LRRC1: variants seen among roughly 807,000 people sequenced by gnomAD.
LRRC1 encodes leucine-rich repeat-containing protein 1.
Under a neutral mutation model 69.9 loss-of-function variants are expected in LRRC1, and 28 were observed. That is an observed-to-expected ratio of 0.40 (90% CI 0.30 to 0.55). LRRC1 has a LOEUF of 0.55. Among genes scored for constraint, LRRC1 ranks in the 20% least tolerant of loss-of-function variants. The pLI, the probability that LRRC1 is intolerant of heterozygous loss-of-function variation, is 0.47. For missense variants in LRRC1, 498 were observed against 609.0 expected, an observed-to-expected ratio of 0.82 and a Z score of 1.92; for synonymous variants, 236 against 240.2, an observed-to-expected ratio of 0.98 and a Z score of 0.16.
In LRRC1 at chr6:53,888,182, A is replaced by G. The variant is rs920225541; in HGVS notation, c.446+5206A>G. Among the ~76,000 whole-genome samples, 10 of 152,314 alleles carry G rather than the reference A, an allele frequency of 6.6e-5. No individual in the cohort carries two copies. In the East Asian group the frequency reaches 1.9e-3, roughly 29 times the overall value. On this transcript the variant is annotated intron_variant, in intron 4 of 13. Coordinates refer to ENST00000370888, the MANE Select transcript of LRRC1 (RefSeq NM_018214.5). ...ACTCAAGCCACACACTTTGTGTTTT[A>G]CTTTTTAAAAATGAGTTACTCTTCA...
At chr6:53,802,960 T>TAG (rs1315333461) in intron 1 of LRRC1, among the ~76,000 whole-genome samples, 1 of 152,216 alleles carries the variant, frequency 6.6e-6, no homozygotes, top group Non-Finnish European at 1.5e-5. Flanking sequence ...GTCATGCTTT[T>TAG]AGTATGGTAA....
intron 4 of LRRC1, among the ~76,000 whole-genome samples, chr6:53,889,407 T>C (rs1767604487): frequency 6.6e-6 from 1 of 152,152 alleles, no homozygotes; most frequent in African/African-American, 2.4e-5. Flanking sequence ...TTGGCATTAT[T>C]TATAATAAAA....
chr6:53,908,258 C>T (rs1276151461), intron 10 of LRRC1, among the ~76,000 whole-genome samples: 2 of 152,066 alleles, frequency 1.3e-5, no homozygotes, highest in Non-Finnish European at 2.9e-5. Context: ...TTTTTGTCTC[C>T]ATTAAGTCCA....
At chr6:53,922,285 T>G (rs1768762554) in intron 13 of LRRC1, among the ~76,000 whole-genome samples, 1 of 152,140 alleles carries the variant, frequency 6.6e-6, no homozygotes, top group African/African-American at 2.4e-5. Flanking sequence ...CTCTTTTATC[T>G]TTTTCTTTCC....
chr6:53,823,760 G>T (rs1381470675), intron 1 of LRRC1, among the ~76,000 whole-genome samples: 1 of 152,060 alleles, frequency 6.6e-6, no homozygotes, highest in African/African-American at 2.4e-5. Context: ...TTCTCCTCCT[G>T]CATTAGTTTG....
chr6:53,867,848 G>A (rs1480574245), intron 2 of LRRC1, among the ~76,000 whole-genome samples: 1 of 151,610 alleles, frequency 6.6e-6, no homozygotes, highest in African/African-American at 2.4e-5. Flanking sequence ...GCAGCTAGTT[G>A]GGGGCTGAGG....
chr6:53,831,438 C>T (rs1765425241), intron 1 of LRRC1, among the ~76,000 whole-genome samples: 2 of 152,112 alleles, frequency 1.3e-5, no homozygotes, highest in Admixed American at 1.3e-4. Context: ...TTTGGCATTC[C>T]TTGAAACAAA....
In LRRC1 at chr6:53,798,320, C is replaced by CAGTCTCA. The variant is rs1764361633; in HGVS notation, c.159+2906_159+2912dup. Among the ~76,000 whole-genome samples the CAGTCTCA allele has an allele frequency of 4.6e-5, 7 of 152,362 alleles. No homozygotes were observed. In the South Asian group the frequency reaches 1.4e-3, roughly 32 times the overall value. ...CTTTTTGGCTCTGTGCTAACAAAGG[C>CAGTCTCA]AGTCTCACTGTAACCTTCTTGAGAT... is the stretch of plus-strand genomic sequence containing the variant. On this transcript the variant is annotated intron_variant, in intron 1 of 13. Transcript: ENST00000370888.
At chr6:53,810,905 C>T (rs895056297) in intron 1 of LRRC1, among the ~76,000 whole-genome samples, 10 of 152,204 alleles carry the variant, frequency 6.6e-5, no homozygotes, top group South Asian at 6.2e-4. Flanking sequence ...AATCTGTCAA[C>T]GTCTCTGCTC....
intron 11 of LRRC1, among the ~76,000 whole-genome samples, chr6:53,914,540 C>T (rs1218419735): frequency 6.6e-6 from 1 of 152,162 alleles, no homozygotes; most frequent in East Asian, 1.9e-4. Context: ...CCCAAGGTCA[C>T]AGCATCACCA....
intron 8 of LRRC1, among the ~76,000 whole-genome samples, chr6:53,901,371 A>G (rs908628561): frequency 5.3e-5 from 8 of 152,064 alleles, no homozygotes; most frequent in South Asian, 2.1e-4. Context: ...GAGACTTCCT[A>G]TCTACCAAAA....
intron 1 of LRRC1, among the ~76,000 whole-genome samples, chr6:53,797,243 G>A (rs1490841663): frequency 1.3e-5 from 2 of 152,196 alleles, no homozygotes; most frequent in East Asian, 3.9e-4. Flanking sequence ...ATAGTCTGAT[G>A]GCACTCTGTA....
At chr6:53,830,827 T>A (rs1765405612) in intron 1 of LRRC1, among the ~76,000 whole-genome samples, 1 of 151,722 alleles carries the variant, frequency 6.6e-6, no homozygotes, top group Non-Finnish European at 1.5e-5. Context: ...TCAATGGCAT[T>A]ATTCAATAAT....
At chr6:53,883,748 C>G (rs1487720316) in intron 4 of LRRC1, among the ~76,000 whole-genome samples, 1 of 152,142 alleles carries the variant, frequency 6.6e-6, no homozygotes, top group African/African-American at 2.4e-5. Context: ...CCTGGTAGAC[C>G]AGTGTTCCCT....
intron 4 of LRRC1, among the ~76,000 whole-genome samples, chr6:53,885,671 T>TGTGG (rs1767449240): frequency 6.6e-6 from 1 of 152,144 alleles, no homozygotes; most frequent in Non-Finnish European, 1.5e-5. Context: ...ATGGGAAAGC[T>TGTGG]ATGGATGTCT....
chr6:53,891,652 A>G (rs1377314941), intron 4 of LRRC1, among the ~76,000 whole-genome samples: 9 of 152,090 alleles, frequency 5.9e-5, no homozygotes, highest in Non-Finnish European at 1.3e-4. Flanking sequence ...TTGATGGGGG[A>G]AAAGAAGAAA....
At chr6:53,901,847 G>A (rs1358085199) in intron 8 of LRRC1, among the ~76,000 whole-genome samples, 1 of 152,348 alleles carries the variant, frequency 6.6e-6, no homozygotes, top group South Asian at 2.1e-4. Flanking sequence ...CCCTGTGGCT[G>A]CACCCGAGGC....
chr6:53,833,116 G>A (rs73430273), intron 1 of LRRC1, among the ~76,000 whole-genome samples: 2,535 of 152,178 alleles, frequency 0.017, 76 homozygotes, highest in African/African-American at 0.058. Flanking sequence ...GCTCTCATCA[G>A]TTCTCCATCT....
chr6:53,801,040 T>C (rs1764470927), intron 1 of LRRC1, among the ~76,000 whole-genome samples: 1 of 152,250 alleles, frequency 6.6e-6, no homozygotes, highest in African/African-American at 2.4e-5. Flanking sequence ...TGAGCATTCC[T>C]TTAATTGTCT....
Sources: allele counts gnomAD v4.1 joint callset (sites outside exome capture counted in the v4.1 genomes callset), GRCh38; gene constraint gnomAD v4.1.1; transcripts MANE v1.5; gene names NCBI Gene and HGNC (gene_info 2026-07-23, HGNC 2026-07-21).